ARFIP1: variants seen among roughly 807,000 people sequenced by gnomAD.
The protein encoded by ARFIP1 is ARF interacting protein 1.
A neutral mutation model predicts 42.5 loss-of-function variants in ARFIP1; 24 were observed. That is an observed-to-expected ratio of 0.57 (90% CI 0.41 to 0.80). The LOEUF (loss-of-function observed/expected upper bound fraction) is 0.80. Ranked by LOEUF, ARFIP1 falls within the 30% of genes least tolerant of loss-of-function variation. The pLI is 0.00. For synonymous variants in ARFIP1, 141 were observed against 153.7 expected (o/e 0.92, Z 0.61); for missense variants, 354 against 434.0 (o/e 0.82, Z 1.64).
At chr4:152,887,552 C>G (rs1166921494) in intron 7 of ARFIP1, among the ~76,000 whole-genome samples, 1 of 151,972 alleles carries the variant, frequency 6.6e-6, no homozygotes, top group Non-Finnish European at 1.5e-5. Flanking sequence ...AATTCTGTTA[C>G]ATTGATTACA....
Position 152,882,854 on chromosome 4 carries a change from G to T in ARFIP1, c.765G>T (p.Met255Ile), listed in dbSNP as rs775372607. 1 of 1,610,288 alleles carries T rather than the reference G, an allele frequency of 6.2e-7. No homozygotes were observed. The highest frequency in any genetic ancestry group is 1.1e-5 in the South Asian group (1 of 90,194). ...ATAAAACCATTGAAGATACATTAAT[G>T]ACTGTGAAACAGTATGAAAGTGCCA... ...LVNKTIEDTL[M>I]TVKQYESARI... Residue 255 changes from methionine to isoleucine, a missense_variant, in exon 7 of 9, where the codon ATG (methionine) becomes ATT (isoleucine). Coordinates refer to ENST00000353617, the MANE Select transcript of ARFIP1 (RefSeq NM_001025595.3).
chr4:152,850,473 C>T (rs532163825), intron 2 of ARFIP1, among the ~76,000 whole-genome samples: 14 of 150,510 alleles, frequency 9.3e-5, no homozygotes, highest in Middle Eastern at 3.4e-3. Context: ...GAGGTGGGGA[C>T]GAGGGCAGTG....
intron 8 of ARFIP1, among the ~76,000 whole-genome samples, chr4:152,902,263 A>G (rs1360243402): frequency 1.3e-5 from 2 of 152,236 alleles, no homozygotes; most frequent in Non-Finnish European, 2.9e-5. Flanking sequence ...GTGCTTTGGT[A>G]GTCCAGGGTG....
chr4:152,812,215 G>A (rs1266990774), intron 1 of ARFIP1, among the ~76,000 whole-genome samples: 1 of 152,124 alleles, frequency 6.6e-6, no homozygotes, highest in Non-Finnish European at 1.5e-5. Flanking sequence ...GTTGTTTTGA[G>A]ATGAGTTCTT....
intron 1 of ARFIP1, among the ~76,000 whole-genome samples, chr4:152,785,172 A>ACTG (rs1730728039): frequency 6.6e-6 from 1 of 151,850 alleles, no homozygotes; most frequent in South Asian, 2.1e-4. Flanking sequence ...TTCTTGGCAC[A>ACTG]CTGTTTGGAA....
intron 5 of ARFIP1, among the ~76,000 whole-genome samples, chr4:152,873,642 A>G (rs1235883024): frequency 2.0e-5 from 3 of 152,104 alleles, no homozygotes; most frequent in East Asian, 1.9e-4. Context: ...AGTCCTATGC[A>G]TTCTGCCTTC....
intron 1 of ARFIP1, among the ~76,000 whole-genome samples, chr4:152,827,139 G>A (rs2149844254): frequency 6.6e-6 from 1 of 152,210 alleles, no homozygotes; most frequent in South Asian, 2.1e-4. Flanking sequence ...TATACACATA[G>A]GTTAAGATGG....
chr4:152,799,342 G>A (rs1324302630), intron 1 of ARFIP1, among the ~76,000 whole-genome samples: 2 of 152,132 alleles, frequency 1.3e-5, no homozygotes, highest in East Asian at 3.8e-4. Context: ...CTGATTTAGA[G>A]GAATTGGTAA....
intron 8 of ARFIP1, among the ~76,000 whole-genome samples, chr4:152,908,609 CAAAA>C (rs988445950): frequency 1.3e-5 from 2 of 149,170 alleles, no homozygotes; most frequent in African/African-American, 4.9e-5. Context: ...AACTCCATCT[CAAAA>C]AAAAAGAAAA....
intron 3 of ARFIP1, among the ~76,000 whole-genome samples, chr4:152,864,913 CTTTTTTTTT>C (rs34123163): frequency 4.2e-4 from 47 of 112,462 alleles, no homozygotes; most frequent in South Asian, 1.2e-3. Context: ...CTTTTTTAAA[CTTTTTTTTT>C]TTTTTTTTTT....
chr4:152,889,933 A>G (rs1736701146), intron 8 of ARFIP1, among the ~76,000 whole-genome samples: 1 of 140,510 alleles, frequency 7.1e-6, no homozygotes, highest in Admixed American at 7.6e-5. Flanking sequence ...TGTATACTAT[A>G]CATACACTAT....
chr4:152,902,913 A>G (rs1453482843), intron 8 of ARFIP1, among the ~76,000 whole-genome samples: 1 of 152,240 alleles, frequency 6.6e-6, no homozygotes, highest in Non-Finnish European at 1.5e-5. Context: ...TAAACCAAGT[A>G]AGCCAAATAA....
At chr4:152,807,747 G>T in intron 1 of ARFIP1, among the ~76,000 whole-genome samples, 1 of 151,282 alleles carries the variant, frequency 6.6e-6, no homozygotes, top group African/African-American at 2.4e-5. Flanking sequence ...TTTGAAAAGA[G>T]GTTTTTAATT....
At chr4:152,846,818 T>C (rs1732572419) in intron 2 of ARFIP1, among the ~76,000 whole-genome samples, 1 of 152,184 alleles carries the variant, frequency 6.6e-6, no homozygotes, top group Non-Finnish European at 1.5e-5. Flanking sequence ...ATAATGCACT[T>C]TTAAAAGTTT....
chr4:152,885,545 C>G (rs928526397), intron 7 of ARFIP1, among the ~76,000 whole-genome samples: 1 of 151,712 alleles, frequency 6.6e-6, no homozygotes, highest in Non-Finnish European at 1.5e-5. Flanking sequence ...AGTGAAGTTG[C>G]TTTTTGAAAA....
intron 1 of ARFIP1, among the ~76,000 whole-genome samples, chr4:152,822,296 T>TAAAAAAAAAAAA (rs70949618): frequency 3.0e-5 from 2 of 65,580 alleles, no homozygotes; most frequent in East Asian, 4.4e-4. Context: ...GCAACAGCAG[T>TAAAAAAAAAAAA]AAAAAAAAAA....
chr4:152,866,492 G>A (rs1015199688), intron 3 of ARFIP1, among the ~76,000 whole-genome samples: 3 of 150,896 alleles, frequency 2.0e-5, no homozygotes, highest in African/African-American at 4.9e-5. Context: ...CTGGCCGGGC[G>A]GGGGCTGACC....
intron 1 of ARFIP1, among the ~76,000 whole-genome samples, chr4:152,827,369 G>A (rs893645141): frequency 3.3e-5 from 5 of 152,046 alleles, no homozygotes; most frequent in Non-Finnish European, 7.4e-5. Flanking sequence ...GACATCCCTC[G>A]CTAGAGTGGT....
In ARFIP1 at chr4:152,780,101, G is replaced by A. The variant is rs1329960259; in HGVS notation, c.-135G>A. 6.6e-6 allele frequency: 1 copy of A among 152,454 alleles called. No individual in the cohort carries two copies. The highest frequency in any genetic ancestry group is 1.5e-5 in the Non-Finnish European group (1 of 68,174). 9.4% of individuals were successfully genotyped at this position (152,454 alleles called of 1,614,324 possible). ...CCCCCGAGCAGCCGAGGTGCGTGGG[G>A]GAAGGGGAAGAAGGAAAAGGTCCGG... is the stretch of plus-strand genomic sequence containing the variant. On this transcript the variant is annotated 5_prime_UTR_variant, in exon 1 of 9. Transcript: ENST00000353617.
Sources: gnomAD v4.1 joint callset for allele counts (sites outside exome capture counted in the v4.1 genomes callset) on GRCh38, gnomAD v4.1.1 for gene constraint, MANE v1.5 for transcripts, NCBI Gene and HGNC (gene_info 2026-07-23, HGNC 2026-07-21) for gene names.